Variants in NKD1 observed in about 807,000 individuals in gnomAD.
NKD1 encodes NKD inhibitor of Wnt signaling pathway 1.
NKD1 carries 21 observed loss-of-function variants against 56.0 expected under a neutral mutation model. The ratio of observed to expected loss-of-function variants is 0.38; its 90% CI spans 0.27 to 0.54. The LOEUF (loss-of-function observed/expected upper bound fraction) is 0.54, where lower values mean the gene tolerates loss of function less well. NKD1 is among the 20% of genes least tolerant of loss of function. The pLI is 0.82. For synonymous variants in NKD1, 263 were observed against 265.7 expected (o/e 0.99, Z 0.10); for missense variants, 578 against 642.7 (o/e 0.90, Z 1.09).
chr16:50,559,691 C>G (rs1258134926), intron 3 of NKD1, among the ~76,000 whole-genome samples: 1 of 151,922 alleles, frequency 6.6e-6, no homozygotes, highest in Non-Finnish European at 1.5e-5. Context: ...TCTGTGGACT[C>G]CAGCTTTCTG....
rs562347924 is a variant in NKD1, at chr16:50,632,062, C to T, written c.696-219C>T. On this transcript the variant is annotated intron_variant, in intron 8 of 9. Transcript: ENST00000268459. This position sits in a 1 kb window ranked among gnomAD's most constrained non-coding sequence, Gnocchi z 4.1. ...CTCCTCCCAGAAGCTGCGGGGAGGT[C>T]GGGCTGTGGGCTGTGGTCTATGGTC... Among the ~76,000 whole-genome samples the T allele has an allele frequency of 2.6e-5, 4 of 152,316 alleles. No homozygotes were observed. Among genetic ancestry groups the T allele is most frequent in the East Asian group, 1.9e-4 (1 of 5,176 alleles).
At chr16:50,609,378 A>G (rs967516320) in intron 4 of NKD1, among the ~76,000 whole-genome samples, 1 of 152,258 alleles carries the variant, frequency 6.6e-6, no homozygotes, top group African/African-American at 2.4e-5. Context: ...ATTCAGAAAC[A>G]GGGAAAGAAA....
At chr16:50,578,368 T>C (rs1276018130) in intron 3 of NKD1, among the ~76,000 whole-genome samples, 1 of 152,168 alleles carries the variant, frequency 6.6e-6, no homozygotes, top group Non-Finnish European at 1.5e-5. Flanking sequence ...AACTCTACAC[T>C]GTGGAAGAGG....
chr16:50,576,200 C>T (rs1960990993), intron 3 of NKD1, among the ~76,000 whole-genome samples: 1 of 152,162 alleles, frequency 6.6e-6, no homozygotes. Context: ...AGGCCCTGAA[C>T]AGGCCCTGGT....
At chr16:50,613,960 C>G (rs1961906888) in intron 4 of NKD1, among the ~76,000 whole-genome samples, 1 of 152,176 alleles carries the variant, frequency 6.6e-6, no homozygotes, top group South Asian at 2.1e-4. Flanking sequence ...GGATTTCCTC[C>G]CCTACCCGCT....
In NKD1 at chr16:50,633,228, C is replaced by A. The variant is rs749380822; in HGVS notation, c.860C>A (p.Pro287His). 1.9e-6 allele frequency: 3 copies of A among 1,612,236 alleles called. No individual in the cohort carries two copies. Among genetic ancestry groups the A allele is most frequent in the African/African-American group, 2.7e-5 (2 of 74,872 alleles). The change falls in exon 10 of 10, where the codon CCC becomes CAC. Residue 287 changes from proline to histidine, a missense_variant. Coordinates refer to ENST00000268459, the MANE Select transcript of NKD1 (RefSeq NM_033119.5). This position sits in a 1 kb window ranked among gnomAD's most constrained non-coding sequence, Gnocchi z 4.9. ...GTGGCCCAGAAGTCAGAACTGCCCC[C>A]CCGCACCTCCAATCCCACTCGATCT... ...PSVAQKSELP[P>H]RTSNPTRSRS... is the part of the protein sequence containing the mutation.
At chr16:50,609,077 G>A (rs982284786) in intron 4 of NKD1, among the ~76,000 whole-genome samples, 2 of 152,202 alleles carry the variant, frequency 1.3e-5, no homozygotes, top group African/African-American at 4.8e-5. Context: ...TTCCCACCTT[G>A]GCCTCCCAAA....
In NKD1 at chr16:50,608,901, A is replaced by C. The variant is rs978684945; in HGVS notation, c.259+541A>C. On this transcript the variant is annotated intron_variant, in intron 4 of 9. Coordinates refer to ENST00000268459, the MANE Select transcript of NKD1 (RefSeq NM_033119.5). ...GGAGTGCAGTAGGTAATTGTAGCTC[A>C]CTGCAGCCTCGACCTGGGCTCAAGT... 2.6e-5 allele frequency among the ~76,000 whole-genome samples: 4 copies of C among 152,114 alleles called. No individual in the cohort carries two copies. In the East Asian group the frequency reaches 7.7e-4, roughly 29 times the overall value.
intron 4 of NKD1, among the ~76,000 whole-genome samples, chr16:50,621,383 C>G (rs539370087): frequency 6.6e-6 from 1 of 152,212 alleles, no homozygotes; most frequent in African/African-American, 2.4e-5. Context: ...GGGCCCCCCA[C>G]GGTGCAAGTG....
At position 50,642,993 on chromosome 16, in the gene NKD1, C is replaced by T. The variant is rs1344536648; in HGVS notation, c.*9212C>T. The T allele has an allele frequency of 6.6e-6, 1 of 152,244 alleles. No homozygotes were observed. The highest frequency in any genetic ancestry group is 2.4e-5 in the African/African-American group (1 of 41,446). 9.4% of individuals were successfully genotyped at this position (152,244 alleles called of 1,614,324 possible). On this transcript the variant is annotated 3_prime_UTR_variant, in exon 10 of 10. Transcript: ENST00000268459. Reference sequence around the variant, plus strand: ...AAACTGCCCTTGGCTTGAAGCTAGACTATGGGGGTGGCAGCTCTAAGTCCT... The same window carrying T: ...AAACTGCCCTTGGCTTGAAGCTAGATTATGGGGGTGGCAGCTCTAAGTCCT...
At chr16:50,550,647 G>A (rs1228267966) in intron 3 of NKD1, among the ~76,000 whole-genome samples, 1 of 152,026 alleles carries the variant, frequency 6.6e-6, no homozygotes, top group Non-Finnish European at 1.5e-5. Flanking sequence ...TGGCCGGGTC[G>A]GACTTGGAGC....
chr16:50,562,988 C>G lies in NKD1; in HGVS notation c.192+13433C>G, dbSNP rs74652169. On this transcript the variant is annotated intron_variant, in intron 3 of 9. Transcript: ENST00000268459. ...AAGGGCTGCTAGGTCCCACCACCAC[C>G]CCCCCCCCCCGCCGTAGAATGGGTA... Among the ~76,000 whole-genome samples, 51 of 101,862 alleles carry G rather than the reference C, an allele frequency of 5.0e-4. 6 individuals are homozygous for G. Among genetic ancestry groups the G allele is most frequent in the African/African-American group, 9.1e-4 (20 of 21,886 alleles). The allele number at this position is 101,862 out of a possible 152,430, so 66.8% of individuals were successfully genotyped here.
chr16:50,580,412 T>C (rs950435453), intron 3 of NKD1, among the ~76,000 whole-genome samples: 3 of 152,228 alleles, frequency 2.0e-5, no homozygotes, highest in African/African-American at 4.8e-5. Context: ...TCAATGCAAC[T>C]GGCATAATAG....
At chr16:50,597,912 A>C (rs1241725790) in intron 3 of NKD1, among the ~76,000 whole-genome samples, 1 of 152,134 alleles carries the variant, frequency 6.6e-6, no homozygotes, top group Non-Finnish European at 1.5e-5. Flanking sequence ...TTATGTCCTC[A>C]TCTGGTGGTT....
At chr16:50,576,142 G>C (rs559673856) in intron 3 of NKD1, among the ~76,000 whole-genome samples, 44 of 152,318 alleles carry the variant, frequency 2.9e-4, no homozygotes, top group Non-Finnish European at 5.9e-4. Context: ...CCTGCCTTTT[G>C]TTGGGACTAT....
intron 6 of NKD1, 103 bp from the exon 7 acceptor site, chr16:50,630,083 C>A: frequency 9.3e-7 from 1 of 1,072,712 alleles, no homozygotes; most frequent in Non-Finnish European, 1.4e-6. Context: ...TTTGGGGCAG[C>A]CAGAGGGGTT....
At chr16:50,591,337 A>G (rs767290039) in intron 3 of NKD1, among the ~76,000 whole-genome samples, 1 of 152,146 alleles carries the variant, frequency 6.6e-6, no homozygotes, top group Non-Finnish European at 1.5e-5. Flanking sequence ...TGCTGGGTTG[A>G]TGCAGAGTTG....
chr16:50,554,836 G>T (rs1045317526), intron 3 of NKD1, among the ~76,000 whole-genome samples: 12 of 152,018 alleles, frequency 7.9e-5, no homozygotes, highest in Non-Finnish European at 1.5e-4. Flanking sequence ...GCCCAGGCTG[G>T]ATTGAACTCC....
intron 3 of NKD1, among the ~76,000 whole-genome samples, chr16:50,589,269 C>T (rs541393411): frequency 6.6e-6 from 1 of 152,120 alleles, no homozygotes; most frequent in Non-Finnish European, 1.5e-5. Flanking sequence ...CAGACAGACA[C>T]GAAAGTAGAG....
Sources: allele counts gnomAD v4.1 joint callset (sites outside exome capture counted in the v4.1 genomes callset), GRCh38; gene constraint gnomAD v4.1.1; non-coding constraint Gnocchi (gnomAD v3.1); transcripts MANE v1.5; gene names NCBI Gene and HGNC (gene_info 2026-07-23, HGNC 2026-07-21).